Variants in TAGLN3 observed in about 807,000 individuals in gnomAD.
The protein encoded by TAGLN3 is transgelin-3.
In TAGLN3, 12 loss-of-function variants were observed where a neutral mutation model predicts 25.4. The observed-to-expected ratio is 0.47, with a 90% CI of 0.30 to 0.77. TAGLN3 has a LOEUF of 0.77. TAGLN3 is among the 30% of genes least tolerant of loss of function. The pLI is 0.06. For missense variants in TAGLN3, 218 were observed against 255.8 expected (o/e 0.85, Z 1.01); for synonymous variants, 96 against 94.8 (o/e 1.01, Z -0.08).
intron 3 of TAGLN3, among the ~76,000 whole-genome samples, chr3:112,007,267 A>G (rs2072928322): frequency 6.6e-6 from 1 of 152,208 alleles, no homozygotes; most frequent in Non-Finnish European, 1.5e-5. Context: ...ATCATCCAAA[A>G]TACATAGTTT....
chr3:112,007,899 GA>G (rs2072934654), intron 3 of TAGLN3, among the ~76,000 whole-genome samples: 1 of 152,198 alleles, frequency 6.6e-6, no homozygotes, highest in African/African-American at 2.4e-5. Flanking sequence ...CAAAGCTTTA[GA>G]GTAGTATCTG....
intron 3 of TAGLN3, among the ~76,000 whole-genome samples, chr3:112,001,544 C>A (rs2072861391): frequency 6.6e-6 from 1 of 152,208 alleles, no homozygotes; most frequent in South Asian, 2.1e-4. Context: ...TAATGATCTG[C>A]CATTACTGGG....
chr3:111,999,941 C>A (rs1010258727), intron 2 of TAGLN3, among the ~76,000 whole-genome samples: 8 of 152,192 alleles, frequency 5.3e-5, no homozygotes, highest in African/African-American at 1.9e-4. Context: ...GGGGCCATTT[C>A]TTTCCCTAGG....
intron 3 of TAGLN3, among the ~76,000 whole-genome samples, chr3:112,006,637 C>T (rs1180282495): frequency 6.6e-6 from 1 of 152,206 alleles, no homozygotes; most frequent in Admixed American, 6.5e-5. Context: ...AGAACTTTGA[C>T]TGCAAGACTG....
chr3:112,005,227 T>C (rs1434331110), intron 3 of TAGLN3, among the ~76,000 whole-genome samples: 1 of 152,194 alleles, frequency 6.6e-6, no homozygotes, highest in Non-Finnish European at 1.5e-5. Flanking sequence ...AAGGATTAAC[T>C]ATGTAAAGAA....
chr3:112,011,810 G>A lies in TAGLN3; in HGVS notation c.403G>A (p.Val135Ile), dbSNP rs994723214. Residue 135 changes from valine (V) to isoleucine (I), a missense_variant, in exon 4 of 5, where the codon GTT becomes ATT. Coordinates refer to ENST00000478951, the MANE Select transcript of TAGLN3 (RefSeq NM_001008272.2). ...VQRTLMALGSVAVTKDDGCYR... is the reference protein window; with the variant it reads ...VQRTLMALGSIAVTKDDGCYR... ...GAGGACCCTGATGGCTTTAGGCAGC[G>A]TTGCAGTCACCAAGGATGATGGCTG... 21 of 1,613,764 alleles carry A rather than the reference G, an allele frequency of 1.3e-5. No individual in the cohort carries two copies. Among genetic ancestry groups the A allele is most frequent in the South Asian group, 4.4e-5 (4 of 91,060 alleles).
intron 4 of TAGLN3, 23 bp from the exon 5 acceptor site, chr3:112,013,387 T>C: frequency 6.2e-7 from 1 of 1,603,342 alleles, no homozygotes. Context: ...ATGACATTAT[T>C]CCCTCTCACT....
intron 3 of TAGLN3, among the ~76,000 whole-genome samples, chr3:112,008,488 T>C (rs1176693383): frequency 6.6e-6 from 1 of 152,102 alleles, no homozygotes; most frequent in Non-Finnish European, 1.5e-5. Context: ...CCTTTTGTTG[T>C]TTTATACTTC....
intron 3 of TAGLN3, among the ~76,000 whole-genome samples, chr3:112,009,479 T>C (rs897590956): frequency 6.6e-6 from 1 of 152,200 alleles, no homozygotes; most frequent in African/African-American, 2.4e-5. Flanking sequence ...CGCTGGTTCC[T>C]ACTGAGGAAT....
intron 3 of TAGLN3, among the ~76,000 whole-genome samples, chr3:112,006,545 A>G (rs13070215): frequency 0.032 from 4,939 of 152,322 alleles, 105 homozygotes; most frequent in Middle Eastern, 0.075. Flanking sequence ...AGTCCAAGAA[A>G]GATGGAAAAA....
intron 3 of TAGLN3, among the ~76,000 whole-genome samples, chr3:112,007,201 A>G (rs569549752): frequency 2.6e-5 from 4 of 152,290 alleles, no homozygotes; most frequent in Non-Finnish European, 5.9e-5. Context: ...CATTATCAAC[A>G]TCCCCTACGA....
chr3:112,001,017 C>T, intron 3 of TAGLN3, 71 bp downstream of exon 3: 3 of 1,408,104 alleles, frequency 2.1e-6, no homozygotes, highest in Non-Finnish European at 3.0e-6. Flanking sequence ...GTAAAAACTG[C>T]TCACAGTGTT....
At chr3:112,006,598 A>G (rs1426795057) in intron 3 of TAGLN3, among the ~76,000 whole-genome samples, 2 of 152,236 alleles carry the variant, frequency 1.3e-5, no homozygotes, top group Admixed American at 6.5e-5. Flanking sequence ...AGACTGATAT[A>G]TAATAGAAGT....
chr3:112,011,062 G>A (rs1359339885), intron 3 of TAGLN3, among the ~76,000 whole-genome samples: 1 of 152,174 alleles, frequency 6.6e-6, no homozygotes, highest in Non-Finnish European at 1.5e-5. Context: ...TTCCACACTG[G>A]TGCCTTGCAT....
At chr3:112,000,330 T>C (rs187458668) in intron 2 of TAGLN3, among the ~76,000 whole-genome samples, 28 of 152,326 alleles carry the variant, frequency 1.8e-4, no homozygotes, top group African/African-American at 6.5e-4. Flanking sequence ...GATGAGTAAA[T>C]TGAAGCCTGC....
chr3:112,012,171 C>T (rs774091956), intron 4 of TAGLN3, among the ~76,000 whole-genome samples: 1 of 151,800 alleles, frequency 6.6e-6, no homozygotes, highest in Non-Finnish European at 1.5e-5. Flanking sequence ...CTGAACTTGG[C>T]TTTATTATGA....
At chr3:112,009,351 G>A (rs2072951807) in intron 3 of TAGLN3, among the ~76,000 whole-genome samples, 1 of 152,178 alleles carries the variant, frequency 6.6e-6, no homozygotes, top group African/African-American at 2.4e-5. Context: ...TATGGGCATT[G>A]AGGTTGGTGC....
chr3:111,999,828 C>T (rs931006910), intron 2 of TAGLN3, among the ~76,000 whole-genome samples: 3 of 152,204 alleles, frequency 2.0e-5, no homozygotes, highest in Non-Finnish European at 4.4e-5. Context: ...TTACATCTCC[C>T]TTCTGAGTTG....
At chr3:112,003,766 A>C (rs576726657) in intron 3 of TAGLN3, among the ~76,000 whole-genome samples, 6 of 151,776 alleles carry the variant, frequency 4.0e-5, no homozygotes, top group African/African-American at 1.4e-4. Flanking sequence ...TTCATGCCCA[A>C]CCTCTCACTC....
Sources: gnomAD v4.1 joint callset for allele counts (sites outside exome capture counted in the v4.1 genomes callset) on GRCh38, gnomAD v4.1.1 for gene constraint, MANE v1.5 for transcripts, NCBI Gene and HGNC (gene_info 2026-07-23, HGNC 2026-07-21) for gene names.